DMBT1: variants seen among roughly 807,000 people sequenced by gnomAD.
DMBT1 encodes the protein deleted in malignant brain tumors 1, also known as scavenger receptor cysteine-rich domain-containing protein DMBT1.
A neutral mutation model predicts 252.9 loss-of-function variants in DMBT1; 198 were observed. The ratio of observed to expected loss-of-function variants is 0.78; its 90% CI spans 0.70 to 0.88. The LOEUF (loss-of-function observed/expected upper bound fraction) is 0.88, where lower values mean the gene tolerates loss of function less well. Ranked by LOEUF, DMBT1 falls within the 40% of genes least tolerant of loss-of-function variation. The pLI is 0.00. For missense variants in DMBT1, 2,432 were observed against 2,404.7 expected (o/e 1.01, Z -0.24); for synonymous variants, 990 against 942.7 (o/e 1.05, Z -0.92).
Position 122,599,119 on chromosome 10 carries a change from A to G in DMBT1, c.3280+22A>G, listed in dbSNP as rs368729317. The G allele has an allele frequency of 4.3e-6, 7 of 1,613,790 alleles. No homozygotes were observed. The East Asian group carries it at 8.9e-5, about 21-fold the overall frequency. On this transcript the variant is annotated intron_variant, in intron 26 of 55. Coordinates refer to ENST00000338354, the MANE Select transcript of DMBT1 (RefSeq NM_001377530.1). ...TCAGGTGGGCCTTCAAGAACTTGGG[A>G]TCACTCTCTTGGGGTGGAGTTTGCT...
At chr10:122,587,501 T>A (rs1410166527) in intron 16 of DMBT1, among the ~76,000 whole-genome samples, 3 of 148,332 alleles carry the variant, frequency 2.0e-5, no homozygotes, top group Non-Finnish European at 4.5e-5. Context: ...TGAATGCCTG[T>A]GGGCTGGGCT....
At chr10:122,617,471 C>G (rs76156960) in intron 40 of DMBT1, among the ~76,000 whole-genome samples, 1 of 151,428 alleles carries the variant, frequency 6.6e-6, no homozygotes, top group Non-Finnish European at 1.5e-5. Flanking sequence ...GACCCTGTTC[C>G]AAGTGTTCAG....
At chr10:122,589,313 C>T (rs1458789731) in intron 17 of DMBT1, 46 bp downstream of exon 17, 3 of 1,585,504 alleles carry the variant, frequency 1.9e-6, no homozygotes, top group African/African-American at 2.7e-5. Flanking sequence ...GTAGATTTTG[C>T]CCAGGAAGAG....
chr10:122,631,718 C>T (rs2098166508), intron 49 of DMBT1, 137 bp from the exon 50 acceptor site: 1 of 827,616 alleles, frequency 1.2e-6, no homozygotes, highest in East Asian at 2.6e-5. Flanking sequence ...TTCTCAATAG[C>T]AATTGCTGGG....
At chr10:122,600,246 A>G (rs1446590407) in intron 27 of DMBT1, among the ~76,000 whole-genome samples, 153 bp downstream of exon 27, 2 of 149,838 alleles carry the variant, frequency 1.3e-5, no homozygotes, top group East Asian at 3.9e-4. Flanking sequence ...AGACCCCAGC[A>G]CAGCGCTTTT....
intron 45 of DMBT1, 100 bp from the exon 46 acceptor site, chr10:122,625,833 T>C (rs2098114858): frequency 2.0e-6 from 2 of 994,000 alleles, no homozygotes; most frequent in South Asian, 2.6e-5. Context: ...TGAGAAGTCC[T>C]GTACTAAGGA....
chr10:122,579,931 C>T (rs753409242), intron 10 of DMBT1, 30 bp downstream of exon 10: 1 of 1,613,708 alleles, frequency 6.2e-7, no homozygotes, highest in Non-Finnish European at 8.5e-7. Context: ...GGCTCACTCT[C>T]TTGGGGTGGA....
At position 122,599,107 on chromosome 10, in the gene DMBT1, C is replaced by G. The variant is rs778018681; in HGVS notation, c.3280+10C>G. On this transcript the variant is annotated intron_variant, in intron 26 of 55. Coordinates refer to ENST00000338354, the MANE Select transcript of DMBT1 (RefSeq NM_001377530.1). ...GGTGTCATCTGCTCAGGTGGGCCTT[C>G]AAGAACTTGGGATCACTCTCTTGGG... 6.2e-7 allele frequency: 1 copy of G among 1,613,846 alleles called. No individual in the cohort carries two copies. The highest frequency in any genetic ancestry group is 1.3e-5 in the African/African-American group (1 of 75,046).
chr10:122,619,317 C>T lies in DMBT1; in HGVS notation c.5225C>T (p.Ser1742Phe), dbSNP rs758931632. 2 of 1,613,988 alleles carry T rather than the reference C, an allele frequency of 1.2e-6. No individual in the cohort carries two copies. Among genetic ancestry groups the T allele is most frequent in the Non-Finnish European group, 1.7e-6 (2 of 1,179,884 alleles). Residue 1742 changes from serine (S) to phenylalanine (F), a missense_variant, in exon 42 of 56, where the codon TCC becomes TTC. Physicochemically the swap from Ser to Phe is radical, Grantham distance 155. Transcript: ENST00000338354. ...CTTCTCTTTCTCACAGCTGCTCAGT[C>T]CCAGTCAACGCCCAGGCCAGGTGAG... ...DAGVICSAAQ[S>F]QSTPRPDTWL...
chr10:122,626,239 A>G (rs958085598), intron 46 of DMBT1, among the ~76,000 whole-genome samples: 2 of 152,240 alleles, frequency 1.3e-5, no homozygotes, highest in African/African-American at 4.8e-5. Flanking sequence ...ACTACAAATT[A>G]TGCTTTTCCA....
intron 1 of DMBT1, among the ~76,000 whole-genome samples, chr10:122,564,610 A>G (rs1357889390): frequency 2.0e-5 from 3 of 149,204 alleles, no homozygotes; most frequent in East Asian, 2.0e-4. Context: ...ATCATAAAAG[A>G]CAAAAGAATA....
chr10:122,580,557 G>A (rs897632603), intron 10 of DMBT1, among the ~76,000 whole-genome samples: 1 of 152,208 alleles, frequency 6.6e-6, no homozygotes, highest in Admixed American at 6.5e-5. Context: ...TTTGGCTGGA[G>A]TGGCTTCCTC....
At chr10:122,575,691 A>C (rs938937584) in intron 6 of DMBT1, among the ~76,000 whole-genome samples, 18 of 152,196 alleles carry the variant, frequency 1.2e-4, no homozygotes, top group African/African-American at 4.1e-4. Flanking sequence ...ACTCAGGAAA[A>C]ATTTTAGGGA....
At chr10:122,617,792 T>A (rs1303368935) in intron 40 of DMBT1, among the ~76,000 whole-genome samples, 1 of 151,430 alleles carries the variant, frequency 6.6e-6, no homozygotes, top group Admixed American at 6.6e-5. Flanking sequence ...TCCAGTGGGG[T>A]CACAGGTGCT....
At chr10:122,620,665 A>G (rs1041877755) in intron 43 of DMBT1, among the ~76,000 whole-genome samples, 10 of 152,214 alleles carry the variant, frequency 6.6e-5, no homozygotes, top group African/African-American at 2.4e-4. Flanking sequence ...ATGTCCTACC[A>G]TTCCTGGCAC....
At chr10:122,573,840 T>G (rs371052369) in intron 6 of DMBT1, 78 bp downstream of exon 6, 1 of 1,552,846 alleles carries the variant, frequency 6.4e-7, no homozygotes, top group Non-Finnish European at 8.9e-7. Context: ...TCAGATGAGG[T>G]GCAGAGGGCA....
intron 14 of DMBT1, among the ~76,000 whole-genome samples, 167 bp from the exon 15 acceptor site, chr10:122,585,104 T>A (rs548214643): frequency 6.7e-6 from 1 of 148,550 alleles, no homozygotes; most frequent in Admixed American, 6.7e-5. Flanking sequence ...CTTATGTCCC[T>A]TGCTGAGCTT....
chr10:122,585,725 G>A (rs1288506730), intron 15 of DMBT1, among the ~76,000 whole-genome samples: 4 of 148,530 alleles, frequency 2.7e-5, no homozygotes, highest in South Asian at 2.3e-4. Flanking sequence ...CAGGACCATA[G>A]GATTGCCACC....
Position 122,591,527 on chromosome 10 carries a change from C to T in DMBT1, c.2176+10C>T. The T allele has an allele frequency of 6.3e-7, 1 of 1,582,034 alleles. No individual in the cohort carries two copies. The highest frequency in any genetic ancestry group is 8.6e-7 in the Non-Finnish European group (1 of 1,160,278). Reference sequence around the variant, plus strand: ...CCTCCATCGACAGTAGGTAAATAATCCTCTCACCCCTCCCTAGGGCTCACT... The same window carrying T: ...CCTCCATCGACAGTAGGTAAATAATTCTCTCACCCCTCCCTAGGGCTCACT... On this transcript the variant is annotated intron_variant, in intron 19 of 55. Transcript: ENST00000338354.
Sources: gnomAD v4.1 joint callset for allele counts (sites outside exome capture counted in the v4.1 genomes callset) on GRCh38, gnomAD v4.1.1 for gene constraint, MANE v1.5 for transcripts, NCBI Gene and HGNC (gene_info 2026-07-23, HGNC 2026-07-21) for gene names.